Variants in IQSEC2 observed in about 807,000 individuals in gnomAD.
IQSEC2 encodes the protein IQ motif and SEC7 domain-containing protein 2.
In IQSEC2, 6 loss-of-function variants were observed where a neutral mutation model predicts 74.6. The observed-to-expected ratio is 0.08, with a 90% CI of 0.04 to 0.16. IQSEC2 has a LOEUF of 0.16. IQSEC2 is among the 10% of genes least tolerant of loss of function. The probability of loss-of-function intolerance (pLI) is 1.00; values close to 1 mark genes in which losing one functional copy is unlikely to be tolerated. For missense variants in IQSEC2, 734 were observed against 1,306.2 expected, an observed-to-expected ratio of 0.56 and a Z score of 6.75; for synonymous variants, 494 against 544.5, an observed-to-expected ratio of 0.91 and a Z score of 1.29.
intron 2 of IQSEC2, among the ~76,000 whole-genome samples, chrX:53,278,003 C>CTTTTTTTTT (rs36027805): frequency 3.2e-4 from 12 of 37,567 alleles, no homozygotes; most frequent in Admixed American, 5.1e-4. Flanking sequence ...TTTTCTTTTT[C>CTTTTTTTTT]TTTTTTTTTT....
chrX:53,257,293 C>A (rs963522048), intron 2 of IQSEC2, among the ~76,000 whole-genome samples: 1 of 112,762 alleles, frequency 8.9e-6, no homozygotes, highest in East Asian at 2.8e-4. Context: ...CTGCAACAGG[C>A]CTGCCAGCCT....
chrX:53,274,455 T>TTC (rs2074793231), intron 2 of IQSEC2, among the ~76,000 whole-genome samples: 1 of 63,338 alleles, frequency 1.6e-5, no homozygotes, highest in African/African-American at 5.7e-5. Flanking sequence ...TACATTTCTT[T>TTC]TTTTTTTTTT....
intron 1 of IQSEC2, among the ~76,000 whole-genome samples, chrX:53,307,845 C>T (rs1158181898): frequency 9.8e-6 from 1 of 101,695 alleles, no homozygotes; most frequent in Non-Finnish European, 2.0e-5. Context: ...GGAGGTTGAG[C>T]CACTGCACTC....
At chrX:53,315,373 A>G (rs2075361285) in intron 1 of IQSEC2, among the ~76,000 whole-genome samples, 1 of 112,123 alleles carries the variant, frequency 8.9e-6, no homozygotes, top group Admixed American at 9.4e-5. Flanking sequence ...TCTGGGCAAC[A>G]AGAGTGAAAC....
Position 53,241,929 on chromosome X carries a change from C to G in IQSEC2, c.2890-20G>C. ...CAGGACCTAGACAGGCATGAAGAAACAGGTGTCAGCAAGGCCAGCCCATCA... is the reference window on the plus strand; with the variant it reads ...CAGGACCTAGACAGGCATGAAGAAAGAGGTGTCAGCAAGGCCAGCCCATCA... On this transcript the variant is annotated intron_variant, in intron 9 of 14. Coordinates refer to ENST00000642864, the MANE Select transcript of IQSEC2 (RefSeq NM_001111125.3). The G allele has an allele frequency of 8.3e-7, 1 of 1,203,679 alleles. No individual in the cohort carries two copies. The highest frequency in any genetic ancestry group is 1.1e-6 in the Non-Finnish European group (1 of 891,593).
Position 53,291,933 on chromosome X carries a change from G to A in IQSEC2, c.708-9C>T. The A allele has an allele frequency of 8.6e-7, 1 of 1,165,217 alleles. No individual in the cohort carries two copies. The highest frequency in any genetic ancestry group is 1.1e-6 in the Non-Finnish European group (1 of 871,067). ...AATTCTCACCATCAGATCTGAAAGG[G>A]AAACAGAGAAAAAAAACCAAAACGG... On this transcript the variant is annotated splice_polypyrimidine_tract_variant and intron_variant, in intron 1 of 14. Transcript: ENST00000642864.
At chrX:53,306,029 G>A (rs1251515100) in intron 1 of IQSEC2, among the ~76,000 whole-genome samples, 7 of 112,853 alleles carry the variant, frequency 6.2e-5, no homozygotes, top group Non-Finnish European at 1.3e-4. Context: ...AACAGAACTA[G>A]CTCTCTAGCC....
At chrX:53,267,109 C>T (rs2074672662) in intron 2 of IQSEC2, 1 of 1,123,071 alleles carries the variant, frequency 8.9e-7, no homozygotes, top group East Asian at 3.3e-5. Flanking sequence ...CGGTGGGTGA[C>T]AGAGAGAGGC....
chrX:53,314,578 G>C (rs1556878682), intron 1 of IQSEC2, among the ~76,000 whole-genome samples: 2 of 111,667 alleles, frequency 1.8e-5, no homozygotes. Context: ...CCAAGAGAAG[G>C]GAACAACATG....
chrX:53,294,260 G>A (rs981646680), intron 1 of IQSEC2, among the ~76,000 whole-genome samples: 1 of 112,591 alleles, frequency 8.9e-6, no homozygotes, highest in Non-Finnish European at 1.9e-5. Flanking sequence ...ATGATGCAGC[G>A]GGGAATTCGC....
At chrX:53,317,545 C>T (rs957383794) in intron 1 of IQSEC2, among the ~76,000 whole-genome samples, 1 of 112,035 alleles carries the variant, frequency 8.9e-6, no homozygotes, top group Non-Finnish European at 1.9e-5. Context: ...AAATGTGGAT[C>T]GTGGTGACAG....
At chrX:53,253,998 G>A (rs983959696) in intron 4 of IQSEC2, among the ~76,000 whole-genome samples, 1 of 111,784 alleles carries the variant, frequency 8.9e-6, no homozygotes, top group East Asian at 2.8e-4. Flanking sequence ...AGAAGGGAAC[G>A]ACATGGAACA....
At position 53,243,483 on chromosome X, in the gene IQSEC2, A is replaced by C. The variant is rs2074256563; in HGVS notation, c.2750-12T>G. On this transcript the variant is annotated splice_polypyrimidine_tract_variant and intron_variant, in intron 8 of 14. Coordinates refer to ENST00000642864, the MANE Select transcript of IQSEC2 (RefSeq NM_001111125.3). ...ACCATTGTCAACCCCTGGGGGAGGG[A>C]GTAACACAGGGATATGTCACATAAT... 8.6e-7 allele frequency: 1 copy of C among 1,168,617 alleles called. No homozygotes were observed. Among genetic ancestry groups the C allele is most frequent in the Non-Finnish European group, 1.1e-6 (1 of 872,188 alleles).
Position 53,321,177 on chromosome X carries a change from C to T in IQSEC2, c.-54G>A, listed in dbSNP as rs1309997531. 1.3e-5 allele frequency: 10 copies of T among 798,242 alleles called. No homozygotes were observed. Among genetic ancestry groups the T allele is most frequent in the Non-Finnish European group, 1.6e-5 (9 of 562,461 alleles). The allele number at this position is 798,242 out of a possible 1,213,427, so 65.8% of individuals were successfully genotyped here. On this transcript the variant is annotated 5_prime_UTR_variant, in exon 1 of 15. Coordinates refer to ENST00000642864, the MANE Select transcript of IQSEC2 (RefSeq NM_001111125.3). Reference sequence around the variant, plus strand: ...CAGGAGAGCCCTGTCCCCGCTCTCTCACGGCGCCACCCTCCCCCGGGCCCA... The same window carrying T: ...CAGGAGAGCCCTGTCCCCGCTCTCTTACGGCGCCACCCTCCCCCGGGCCCA...
chrX:53,304,144 A>G (rs1288729037), intron 1 of IQSEC2, among the ~76,000 whole-genome samples: 2 of 111,125 alleles, frequency 1.8e-5, no homozygotes. Context: ...CAAAAAAAAA[A>G]AAAAGGAAGA....
intron 1 of IQSEC2, among the ~76,000 whole-genome samples, chrX:53,303,770 C>A (rs1417764703): frequency 2.8e-5 from 3 of 108,126 alleles, no homozygotes; most frequent in African/African-American, 1.0e-4. Context: ...CACTTGACTC[C>A]GGCCTGGGTG....
intron 2 of IQSEC2, among the ~76,000 whole-genome samples, chrX:53,263,858 C>G (rs1271986851): frequency 8.9e-6 from 1 of 112,689 alleles, no homozygotes; most frequent in African/African-American, 3.2e-5. Context: ...CCACCCCACA[C>G]CCCCGTCCTG....
chrX:53,318,818 C>G (rs1257306099), intron 1 of IQSEC2, among the ~76,000 whole-genome samples: 2 of 113,040 alleles, frequency 1.8e-5, no homozygotes, highest in African/African-American at 6.4e-5. Context: ...TCGACCATAC[C>G]CCATGCAGTC....
At chrX:53,290,923 A>G (rs2075092922) in intron 2 of IQSEC2, among the ~76,000 whole-genome samples, 1 of 112,635 alleles carries the variant, frequency 8.9e-6, no homozygotes, top group Non-Finnish European at 1.9e-5. Context: ...AACCCGTGCT[A>G]TGCTCAATGG....
Sources: allele counts gnomAD v4.1 joint callset (sites outside exome capture counted in the v4.1 genomes callset), GRCh38; gene constraint gnomAD v4.1.1; transcripts MANE v1.5; gene names NCBI Gene and HGNC (gene_info 2026-07-23, HGNC 2026-07-21).